Variants in MRPS6 observed in about 807,000 individuals in gnomAD.
MRPS6 encodes the protein small ribosomal subunit protein bS6m.
In MRPS6, 6 loss-of-function variants were observed where a neutral mutation model predicts 13.1. That is an observed-to-expected ratio of 0.46 (90% CI 0.25 to 0.91). The LOEUF (loss-of-function observed/expected upper bound fraction) is 0.91. Among genes scored for constraint, MRPS6 ranks in the 40% least tolerant of loss-of-function variants. MRPS6 has a pLI of 0.18. For missense variants in MRPS6, 164 were observed against 155.6 expected, an observed-to-expected ratio of 1.05 and a Z score of -0.29; for synonymous variants, 61 against 56.5, an observed-to-expected ratio of 1.08 and a Z score of -0.36.
intron 2 of MRPS6, among the ~76,000 whole-genome samples, chr21:34,128,526 A>G (rs1210571784): frequency 2.6e-5 from 4 of 152,226 alleles, no homozygotes; most frequent in Admixed American, 2.6e-4. Context: ...TATTATATCA[A>G]GACTGTTTCC....
intron 1 of MRPS6, among the ~76,000 whole-genome samples, chr21:34,078,926 G>A (rs776670217): frequency 2.6e-5 from 4 of 152,106 alleles, no homozygotes; most frequent in Admixed American, 6.5e-5. Context: ...TTTTTAAGAC[G>A]TGTTATCAAC....
intron 1 of MRPS6, among the ~76,000 whole-genome samples, chr21:34,079,029 C>T (rs1055038485): frequency 1.3e-5 from 2 of 152,086 alleles, no homozygotes; most frequent in African/African-American, 4.8e-5. Context: ...AAGAACTACC[C>T]TTGGGTTTGG....
intron 2 of MRPS6, among the ~76,000 whole-genome samples, chr21:34,139,019 A>G (rs1980807903): frequency 6.6e-6 from 1 of 151,746 alleles, no homozygotes; most frequent in Non-Finnish European, 1.5e-5. Flanking sequence ...AAAAATGATG[A>G]GTTCATGTCC....
intron 1 of MRPS6, among the ~76,000 whole-genome samples, chr21:34,084,684 A>T (rs768671652): frequency 2.0e-5 from 3 of 152,170 alleles, no homozygotes; most frequent in African/African-American, 4.8e-5. Context: ...TAAAACACAG[A>T]CTTGGTCATA....
chr21:34,116,178 TTGTG>T (rs57694757), intron 1 of MRPS6, among the ~76,000 whole-genome samples: 6,931 of 141,320 alleles, frequency 0.049, 162 homozygotes, highest in Non-Finnish European at 0.059. Context: ...CCAGCTAATT[TTGTG>T]TGTGTGTGTG....
intron 2 of MRPS6, among the ~76,000 whole-genome samples, chr21:34,141,572 A>G (rs1980907807): frequency 6.6e-6 from 1 of 152,242 alleles, no homozygotes; most frequent in Admixed American, 6.5e-5. Flanking sequence ...AGCGATGACG[A>G]AAATTTCATA....
At chr21:34,113,575 G>A (rs1296913243) in intron 1 of MRPS6, among the ~76,000 whole-genome samples, 2 of 152,148 alleles carry the variant, frequency 1.3e-5, no homozygotes, top group African/African-American at 4.8e-5. Flanking sequence ...TCTCTTCCCT[G>A]CTCTACAGAA....
intron 2 of MRPS6, among the ~76,000 whole-genome samples, chr21:34,138,273 G>C (rs367698431): frequency 1.3e-5 from 2 of 151,908 alleles, no homozygotes; most frequent in Non-Finnish European, 1.5e-5. Flanking sequence ...AGATCCCATT[G>C]GTCAATTTTG....
intron 1 of MRPS6, chr21:34,104,650 G>A: frequency 1.0e-6 from 1 of 1,000,212 alleles, no homozygotes; most frequent in Non-Finnish European, 1.2e-6. Flanking sequence ...AGCTAGCCAG[G>A]AATGAGCCTA....
At chr21:34,118,494 C>T (rs1305509759) in intron 1 of MRPS6, among the ~76,000 whole-genome samples, 2 of 151,786 alleles carry the variant, frequency 1.3e-5, no homozygotes, top group African/African-American at 4.8e-5. Context: ...CTCCCATTTA[C>T]CTACTGTTTT....
intron 1 of MRPS6, chr21:34,102,624 A>G: frequency 1.0e-6 from 1 of 1,000,186 alleles, no homozygotes; most frequent in East Asian, 1.1e-4. Flanking sequence ...TTATGTAATG[A>G]CTCTTAAATT....
chr21:34,124,520 A>C (rs993798989), intron 1 of MRPS6: 1 of 149,096 alleles, frequency 6.7e-6, no homozygotes, highest in African/African-American at 2.5e-5. Context: ...TTTTTTAAAT[A>C]ACAGGCCTTG....
At chr21:34,129,880 G>T (rs1980440622) in intron 2 of MRPS6, among the ~76,000 whole-genome samples, 1 of 152,164 alleles carries the variant, frequency 6.6e-6, no homozygotes, top group South Asian at 2.1e-4. Context: ...TCTGCAGCAG[G>T]TTTAGTGTTA....
At chr21:34,076,691 A>T (rs1989340606) in intron 1 of MRPS6, among the ~76,000 whole-genome samples, 1 of 152,226 alleles carries the variant, frequency 6.6e-6, no homozygotes. Context: ...AGTAGGTAAA[A>T]GTGTGGTTAA....
At chr21:34,079,604 T>TTA (rs1989414569) in intron 1 of MRPS6, among the ~76,000 whole-genome samples, 2 of 5,816 alleles carry the variant, frequency 3.4e-4, no homozygotes, top group African/African-American at 5.0e-4. Context: ...CCCAGCTAAT[T>TTA]TTTTTTTTTT....
chr21:34,105,050 A>G (rs1979414650), intron 1 of MRPS6: 8 of 1,000,088 alleles, frequency 8.0e-6, no homozygotes, highest in Non-Finnish European at 9.6e-6. Flanking sequence ...TCTTTTGCTC[A>G]TAGACTTTTC....
At chr21:34,092,726 A>T (rs139050591) in intron 1 of MRPS6, among the ~76,000 whole-genome samples, 22 of 152,310 alleles carry the variant, frequency 1.4e-4, no homozygotes, top group African/African-American at 4.8e-4. Context: ...TGAACAAATA[A>T]GCTGCAGCAG....
intron 2 of MRPS6, among the ~76,000 whole-genome samples, chr21:34,132,577 C>T (rs1017126285): frequency 1.3e-5 from 2 of 152,106 alleles, no homozygotes; most frequent in African/African-American, 4.8e-5. Context: ...AGGTCTTTAA[C>T]TAGGTTTTCT....
rs761169491 is a variant in MRPS6 at position 34,095,637 on chromosome 21, G to T, written c.45+21892G>T. 5.0e-6 allele frequency: 8 copies of T among 1,610,688 alleles called. No homozygotes were observed. The Admixed American group carries it at 8.4e-5, about 17-fold the overall frequency. ...GCTCTCGGTGGATCTGTATTCGGGTGCCCTTTTTATCCAGGAGTCTTTGGG... is the reference window on the plus strand; with the variant it reads ...GCTCTCGGTGGATCTGTATTCGGGTTCCCTTTTTATCCAGGAGTCTTTGGG... On this transcript the variant is annotated intron_variant, in intron 1 of 2. Transcript: ENST00000399312.
Sources: allele counts gnomAD v4.1 joint callset (sites outside exome capture counted in the v4.1 genomes callset), GRCh38; gene constraint gnomAD v4.1.1; transcripts MANE v1.5; gene names NCBI Gene and HGNC (gene_info 2026-07-23, HGNC 2026-07-21).